MCPH1: variants seen among roughly 807,000 people sequenced by gnomAD.
MCPH1 encodes the protein microcephalin 1.
In MCPH1, 104 loss-of-function variants were observed where a neutral mutation model predicts 84.5. The ratio of observed to expected loss-of-function variants is 1.23; its 90% confidence interval spans 1.05 to 1.45. The LOEUF is 1.45. Ranked by LOEUF, MCPH1 falls within the 40% of genes most tolerant of loss-of-function variation. The pLI is 0.00. For missense variants in MCPH1, 1,498 were observed against 1,005.7 expected (o/e 1.49, Z -6.62); for synonymous variants, 514 against 366.8 (o/e 1.40, Z -4.58).
chr8:6,407,801 C>A (rs1204309314), intron 1 of MCPH1, among the ~76,000 whole-genome samples: 1 of 152,140 alleles, frequency 6.6e-6, no homozygotes, highest in Non-Finnish European at 1.5e-5. Flanking sequence ...ACTCACTATG[C>A]CCCCCAGGCC....
intron 12 of MCPH1, among the ~76,000 whole-genome samples, chr8:6,516,661 T>A (rs949928192): frequency 6.6e-6 from 1 of 152,226 alleles, no homozygotes; most frequent in Non-Finnish European, 1.5e-5. Context: ...GCTACTTTGG[T>A]TTGAGGATTC....
intron 12 of MCPH1, among the ~76,000 whole-genome samples, chr8:6,562,336 C>T (rs751278894): frequency 6.6e-6 from 1 of 152,134 alleles, no homozygotes; most frequent in Non-Finnish European, 1.5e-5. Context: ...ACAAACAGAA[C>T]GGCACACAAG....
chr8:6,538,179 T>C (rs557957637), intron 12 of MCPH1, among the ~76,000 whole-genome samples: 2 of 152,320 alleles, frequency 1.3e-5, no homozygotes, highest in Admixed American at 1.3e-4. Flanking sequence ...CCTTGAATTT[T>C]TCTAGTAAAT....
At chr8:6,577,164 T>C (rs1428693286) in intron 12 of MCPH1, among the ~76,000 whole-genome samples, 1 of 152,174 alleles carries the variant, frequency 6.6e-6, no homozygotes, top group Non-Finnish European at 1.5e-5. Flanking sequence ...AAAGGGAATC[T>C]CGTTAATCCA....
intron 13 of MCPH1, among the ~76,000 whole-genome samples, chr8:6,630,749 C>G (rs1376054327): frequency 6.7e-6 from 1 of 149,156 alleles, no homozygotes; most frequent in African/African-American, 2.5e-5. Flanking sequence ...CCATTGCACT[C>G]CAGCCTGGGC....
chr8:6,625,105 C>T, intron 13 of MCPH1: 1 of 815,682 alleles, frequency 1.2e-6, no homozygotes, highest in Non-Finnish European at 1.5e-6. Flanking sequence ...AAACCCCCAA[C>T]CTCAAGTGAT....
intron 12 of MCPH1, among the ~76,000 whole-genome samples, chr8:6,611,090 C>T (rs1373671991): frequency 6.6e-6 from 1 of 150,514 alleles, no homozygotes; most frequent in African/African-American, 2.5e-5. Flanking sequence ...TCTACTGTTG[C>T]TACACACACA....
At chr8:6,592,278 A>G (rs565078982) in intron 12 of MCPH1, among the ~76,000 whole-genome samples, 10 of 151,806 alleles carry the variant, frequency 6.6e-5, no homozygotes, top group Non-Finnish European at 1.0e-4. Context: ...CAGCCTCCCA[A>G]GTAGCTGGGA....
chr8:6,436,274 C>T, intron 5 of MCPH1, 112 bp downstream of exon 5: 1 of 1,182,068 alleles, frequency 8.5e-7, no homozygotes, highest in Non-Finnish European at 1.2e-6. Context: ...ACTATGATAG[C>T]TTTACTCTAT....
rs1016851971 is a variant in MCPH1, at chr8:6,647,673, T to C, written c.*4624T>C. ...AGGTCAGACACAAAAGACTACAAATTGTAAGATTCCATTTAGATACCATTT... is the reference window on the plus strand; with the variant it reads ...AGGTCAGACACAAAAGACTACAAATCGTAAGATTCCATTTAGATACCATTT... On this transcript the variant is annotated 3_prime_UTR_variant, in exon 14 of 14. Transcript: ENST00000344683. The C allele has an allele frequency of 6.6e-6, 1 of 152,088 alleles. No homozygotes were observed. The highest frequency in any genetic ancestry group is 2.4e-5 in the African/African-American group (1 of 41,396). 9.4% of individuals were successfully genotyped at this position (152,088 alleles called of 1,614,324 possible). A position where few individuals can be genotyped will look rare whatever the true frequency, so the allele number is the denominator to read the frequency against.
At chr8:6,524,348 T>C (rs1220454115) in intron 12 of MCPH1, among the ~76,000 whole-genome samples, 1 of 152,256 alleles carries the variant, frequency 6.6e-6, no homozygotes, top group Admixed American at 6.5e-5. Context: ...AAATATTCTA[T>C]ACATTTCACT....
At chr8:6,470,301 C>T (rs955674505) in intron 9 of MCPH1, among the ~76,000 whole-genome samples, 3 of 150,944 alleles carry the variant, frequency 2.0e-5, no homozygotes, top group Middle Eastern at 3.4e-3. Context: ...TTTATTTTTT[C>T]GAGACAAAGT....
chr8:6,505,334 GAAAGAA>G (rs1813250739), intron 12 of MCPH1, among the ~76,000 whole-genome samples: 1 of 30,814 alleles, frequency 3.2e-5, no homozygotes, highest in African/African-American at 1.8e-4. Flanking sequence ...TATACATATA[GAAAGAA>G]TATATATATT....
chr8:6,562,774 C>T (rs749213090), intron 12 of MCPH1: 3 of 1,613,882 alleles, frequency 1.9e-6, no homozygotes, highest in Admixed American at 1.7e-5. Context: ...GGAGGAAGAG[C>T]GGCAGTTGTC....
intron 12 of MCPH1, among the ~76,000 whole-genome samples, chr8:6,520,429 C>T (rs190907657): frequency 8.2e-4 from 125 of 152,186 alleles, no homozygotes; most frequent in African/African-American, 2.7e-3. Flanking sequence ...GGCCATTATC[C>T]CACTGAGGAC....
intron 12 of MCPH1, among the ~76,000 whole-genome samples, chr8:6,614,596 C>G (rs1830616176): frequency 6.6e-6 from 1 of 152,224 alleles, no homozygotes; most frequent in Non-Finnish European, 1.5e-5. Flanking sequence ...TGGCCTAACG[C>G]CCAATCTGCA....
At chr8:6,427,939 C>T (rs187728382) in intron 3 of MCPH1, among the ~76,000 whole-genome samples, 364 of 151,942 alleles carry the variant, frequency 2.4e-3, no homozygotes, top group African/African-American at 8.4e-3. Flanking sequence ...ATTACAGGCA[C>T]GCACCACCAC....
intron 12 of MCPH1, among the ~76,000 whole-genome samples, chr8:6,594,589 C>T (rs1045521521): frequency 2.2e-4 from 33 of 152,212 alleles, no homozygotes; most frequent in Admixed American, 5.2e-4. Flanking sequence ...AGAGCCTGCT[C>T]GCATCAGGCC....
At chr8:6,539,634 T>C (rs1821165724) in intron 12 of MCPH1, among the ~76,000 whole-genome samples, 1 of 152,206 alleles carries the variant, frequency 6.6e-6, no homozygotes. Context: ...TCTCTCAGGC[T>C]GGAGTGCAGC....
Sources: allele counts gnomAD v4.1 joint callset (sites outside exome capture counted in the v4.1 genomes callset), GRCh38; gene constraint gnomAD v4.1.1; transcripts MANE v1.5; gene names NCBI Gene and HGNC (gene_info 2026-07-23, HGNC 2026-07-21).